PALD1: variants seen among roughly 807,000 people sequenced by gnomAD.
PALD1 encodes the protein phosphatase domain containing paladin 1.
Under a neutral mutation model 96.0 loss-of-function variants are expected in PALD1, and 57 were observed. That is an observed-to-expected ratio of 0.59 (90% confidence interval 0.48 to 0.74). The LOEUF is 0.74. Among genes scored for constraint, PALD1 ranks in the 30% least tolerant of loss-of-function variants. The pLI, the probability that PALD1 is intolerant of heterozygous loss-of-function variation, is 0.00. For synonymous variants in PALD1, 464 were observed against 473.6 expected (o/e 0.98, Z 0.26); for missense variants, 1,063 against 1,143.7 (o/e 0.93, Z 1.02).
rs1486579058 is a variant in PALD1, at chr10:70,538,413, G to C, written c.1452+5G>C. 6.2e-7 allele frequency: 1 copy of C among 1,611,128 alleles called. No homozygotes were observed. The highest frequency in any genetic ancestry group is 1.3e-5 in the African/African-American group (1 of 74,950). On this transcript the variant is annotated splice_donor_5th_base_variant and intron_variant, in intron 12 of 19. Coordinates refer to ENST00000263563, the MANE Select transcript of PALD1 (RefSeq NM_014431.3). ...CTCATCGCCAGGGGCTCCCTAGTGA[G>C]TATGACTGGCAGTCGGAGAAGTGGG...
intron 18 of PALD1, among the ~76,000 whole-genome samples, chr10:70,550,563 C>G (rs1378725019): frequency 1.3e-5 from 2 of 152,168 alleles, no homozygotes. Flanking sequence ...AGTTGTGCAT[C>G]CAGCACCACA....
intron 18 of PALD1, among the ~76,000 whole-genome samples, chr10:70,556,281 T>TCC (rs1554862626): frequency 0.21 from 29,234 of 136,516 alleles, 3,164 homozygotes; most frequent in Middle Eastern, 0.33. Context: ...AGCCGAGACC[T>TCC]CTCTCTCTCT....
intron 18 of PALD1, among the ~76,000 whole-genome samples, chr10:70,552,118 G>A (rs880910): frequency 0.16 from 23,992 of 152,240 alleles, 2,321 homozygotes; most frequent in Admixed American, 0.23. Flanking sequence ...CGGACACTGA[G>A]TAGGGACCGG....
intron 2 of PALD1, among the ~76,000 whole-genome samples, chr10:70,527,897 G>A (rs542575371): frequency 3.3e-5 from 5 of 152,092 alleles, no homozygotes; most frequent in South Asian, 2.1e-4. Context: ...CACCATCCAC[G>A]TCAGGCATAT....
chr10:70,533,795 C>G, intron 7 of PALD1, 127 bp from the exon 8 acceptor site: 1 of 824,310 alleles, frequency 1.2e-6, no homozygotes, highest in Non-Finnish European at 1.8e-6. Context: ...GCCAAGACAC[C>G]TATTGGAGCC....
chr10:70,512,429 G>A (rs572224745), intron 1 of PALD1, among the ~76,000 whole-genome samples: 5 of 152,250 alleles, frequency 3.3e-5, no homozygotes, highest in Non-Finnish European at 5.9e-5. Flanking sequence ...CATGCTGTAG[G>A]CCAGGAAGGG....
At chr10:70,530,138 G>A in intron 4 of PALD1, 70 bp downstream of exon 4, 1 of 1,315,714 alleles carries the variant, frequency 7.6e-7, no homozygotes, top group East Asian at 2.6e-5. Flanking sequence ...TGGAGGGGCA[G>A]CTTTAGAGGC....
intron 4 of PALD1, among the ~76,000 whole-genome samples, chr10:70,530,952 A>G (rs138548524): frequency 1.1e-3 from 174 of 152,340 alleles, no homozygotes; most frequent in Non-Finnish European, 1.7e-3. Context: ...TGGGTACATG[A>G]AAATGACCAG....
chr10:70,520,477 G>T (rs1402102671), intron 1 of PALD1, among the ~76,000 whole-genome samples: 1 of 152,202 alleles, frequency 6.6e-6, no homozygotes, highest in East Asian at 1.9e-4. Context: ...CCCAGAATGG[G>T]CATCTCTAGC....
At position 70,533,896 on chromosome 10, in the gene PALD1, G is replaced by A. The variant is rs775881777; in HGVS notation, c.871-26G>A. 4.5e-6 allele frequency: 7 copies of A among 1,553,448 alleles called. No individual in the cohort carries two copies. The African/African-American group carries it at 6.9e-5, about 15-fold the overall frequency. ...GCCCAGGGTTTCCTGGTCTCACTGGGGCCTGATCCTCATGGTCTTTCCCAG... is the reference window on the plus strand; with the variant it reads ...GCCCAGGGTTTCCTGGTCTCACTGGAGCCTGATCCTCATGGTCTTTCCCAG... On this transcript the variant is annotated intron_variant, in intron 7 of 19. Coordinates refer to ENST00000263563, the MANE Select transcript of PALD1 (RefSeq NM_014431.3).
At chr10:70,543,451 C>A (rs539142104) in intron 17 of PALD1, among the ~76,000 whole-genome samples, 1 of 152,250 alleles carries the variant, frequency 6.6e-6, no homozygotes, top group East Asian at 1.9e-4. Context: ...AAATCATTGC[C>A]AACTCCAATG....
rs939542331 is a variant in PALD1, at chr10:70,566,929, T to C, written c.*196T>C. Reference sequence around the variant, plus strand: ...ACAGGGAGACAGCACAGCCATCCCTTGCAAACCACCAAGGTGTGTGGCTGA... The same window carrying C: ...ACAGGGAGACAGCACAGCCATCCCTCGCAAACCACCAAGGTGTGTGGCTGA... On this transcript the variant is annotated 3_prime_UTR_variant, in exon 20 of 20. Transcript: ENST00000263563. The C allele has an allele frequency of 7.2e-6, 4 of 558,898 alleles. No homozygotes were observed. The highest frequency in any genetic ancestry group is 1.3e-5 in the Non-Finnish European group (4 of 316,908). 34.6% of individuals were successfully genotyped at this position (558,898 alleles called of 1,614,324 possible).
chr10:70,496,128 C>T (rs537360638), intron 1 of PALD1, among the ~76,000 whole-genome samples: 2 of 152,228 alleles, frequency 1.3e-5, no homozygotes, highest in South Asian at 4.1e-4. Context: ...AGGACTTGAA[C>T]TCTGGTCTTT....
chr10:70,555,870 G>A (rs376950462), intron 18 of PALD1, among the ~76,000 whole-genome samples: 3 of 152,084 alleles, frequency 2.0e-5, no homozygotes, highest in Non-Finnish European at 4.4e-5. Context: ...GCGAGGTGGC[G>A]GTCACCTGTA....
At chr10:70,469,796 C>T in the PALD1 span, among the ~76,000 whole-genome samples, 1 of 151,950 alleles carries the variant, frequency 6.6e-6, no homozygotes, top group Non-Finnish European at 1.5e-5. Flanking sequence ...GAGTCCGTTT[C>T]TTTTTTCTTT....
chr10:70,554,573 C>T (rs1396514340), intron 18 of PALD1, among the ~76,000 whole-genome samples: 9 of 152,144 alleles, frequency 5.9e-5, no homozygotes, highest in South Asian at 2.1e-4. Context: ...CAGCCCAGGG[C>T]GGTGACACCC....
the PALD1 span, among the ~76,000 whole-genome samples, chr10:70,463,499 A>T: frequency 1.4e-4 from 22 of 152,050 alleles, no homozygotes; most frequent in Non-Finnish European, 1.5e-5. Context: ...GTCTCCAGAC[A>T]TAATTCTACC....
At chr10:70,491,939 C>G (rs1480618808) in intron 1 of PALD1, among the ~76,000 whole-genome samples, 1 of 152,206 alleles carries the variant, frequency 6.6e-6, no homozygotes, top group Non-Finnish European at 1.5e-5. Context: ...CCTTTTATGG[C>G]TGAGTAACTT....
At chr10:70,525,883 T>C in intron 1 of PALD1, 40 bp from the exon 2 acceptor site, 1 of 1,548,010 alleles carries the variant, frequency 6.5e-7, no homozygotes, top group South Asian at 1.1e-5. Context: ...CTGTGGATTT[T>C]CCCATCCCCT....
Sources: gnomAD v4.1 joint callset for allele counts (sites outside exome capture counted in the v4.1 genomes callset) on GRCh38, gnomAD v4.1.1 for gene constraint, MANE v1.5 for transcripts, NCBI Gene and HGNC (gene_info 2026-07-23, HGNC 2026-07-21) for gene names.